The following EIF3B variants were observed in gnomAD, a reference collection of about 807,000 sequenced individuals.
EIF3B encodes eukaryotic translation initiation factor 3 subunit 9.
In EIF3B, 10 loss-of-function variants were observed where a neutral mutation model predicts 104.6. The observed-to-expected ratio is 0.10, with a 90% CI of 0.06 to 0.16. The LOEUF (loss-of-function observed/expected upper bound fraction) is 0.16. EIF3B is among the 10% of genes least tolerant of loss of function. The pLI is 1.00. For missense variants in EIF3B, 1,014 were observed against 1,087.9 expected, an observed-to-expected ratio of 0.93 and a Z score of 0.96; for synonymous variants, 542 against 417.2, an observed-to-expected ratio of 1.30 and a Z score of -3.65.
Position 2,358,602 on chromosome 7 carries a change from C to A in EIF3B, c.500-2108C>A, listed in dbSNP as rs780901884. Among the ~76,000 whole-genome samples the A allele has an allele frequency of 9.9e-5, 15 of 152,182 alleles. No homozygotes were observed. In the South Asian group the frequency reaches 1.0e-3, roughly 11 times the overall value. The stretch of plus-strand genomic sequence containing the variant: ...AGTGCAGTGGCATGATCTTGGCTCA[C>A]TGCAACCTCCATCTCCTGGGTTCAA... On this transcript the variant is annotated intron_variant, in intron 1 of 18. Coordinates refer to ENST00000360876, the MANE Select transcript of EIF3B (RefSeq NM_001037283.2).
chr7:2,373,003 A>G lies in EIF3B; in HGVS notation c.1810+208A>G, dbSNP rs7779134. 309,320 of 411,808 alleles carry G rather than the reference A, an allele frequency of 0.75. 118,354 individuals are homozygous for G. The highest frequency in any genetic ancestry group is 0.92 in the East Asian group (25,062 of 27,260). The allele number at this position is 411,808 out of a possible 1,614,324, so 25.5% of individuals were successfully genotyped here. On this transcript the variant is annotated intron_variant, in intron 12 of 18. Coordinates refer to ENST00000360876, the MANE Select transcript of EIF3B (RefSeq NM_001037283.2). Reference sequence around the variant, plus strand: ...CAGGGTGTCTCTCTGAGCCCCGTTGAGCCCTCACGTTTAAGCGAGTATTTC... The same window carrying G: ...CAGGGTGTCTCTCTGAGCCCCGTTGGGCCCTCACGTTTAAGCGAGTATTTC...
upstream of EIF3B, among the ~76,000 whole-genome samples, chr7:2,354,697 A>T (rs77477547): frequency 0.012 from 1,806 of 152,210 alleles, 21 homozygotes; most frequent in Admixed American, 0.02. Flanking sequence ...CTTGTCACAA[A>T]TATATCAGTT....
rs763301324 is a variant in EIF3B, at chr7:2,379,181, C to T, written c.2280C>T (p.Tyr760=). 2 of 1,613,932 alleles carry T rather than the reference C, an allele frequency of 1.2e-6. No individual in the cohort carries two copies. The highest frequency in any genetic ancestry group is 1.7e-6 in the Non-Finnish European group (2 of 1,179,964). The part of the protein sequence containing the change: ...RRTMMEDFRK[Y]RKMAQELYME... ...CCATGATGGAAGATTTCCGGAAGTA[C>T]CGGAAAATGGCCCAGGAGCTCTATA... Residue 760 remains tyrosine (Y), a synonymous_variant, in exon 17 of 19, where the codon TAC becomes TAT. Transcript: ENST00000360876.
In EIF3B at chr7:2,366,363, C is replaced by A. The variant is rs1162976053; in HGVS notation, c.1204C>A (p.Gln402Lys). 6.2e-7 allele frequency: 1 copy of A among 1,613,704 alleles called. No homozygotes were observed. The highest frequency in any genetic ancestry group is 1.3e-5 in the African/African-American group (1 of 74,884). The change falls in exon 7 of 19, where the codon CAG becomes AAG. Residue 402 changes from glutamine (Q) to lysine (K), a missense_variant. Physicochemically the swap from Gln to Lys is moderately conservative, Grantham distance 53. Transcript: ENST00000360876. ...SPLMDTQDDP[Q>K]AIIIWDILTG... ...CCTGATGGACACGCAGGATGACCCT[C>A]AGGCCATAATCATCTGGGACATCCT...
Position 2,369,654 on chromosome 7 carries a change from A to G in EIF3B, c.1586A>G (p.Lys529Arg). 6.2e-7 allele frequency: 1 copy of G among 1,614,132 alleles called. No homozygotes were observed. Among genetic ancestry groups the G allele is most frequent in the East Asian group, 2.2e-5 (1 of 44,888 alleles). The change falls in exon 10 of 19, where the codon AAA (lysine) becomes AGA (arginine). Residue 529 changes from lysine to arginine, a missense_variant. Physicochemically the swap from Lys to Arg is conservative, Grantham distance 26 (BLOSUM62 2). Transcript: ENST00000360876. The part of the protein sequence containing the change: ...WQKNGDYLCV[K>R]VDRTPKGTQG... The stretch of plus-strand genomic sequence containing the variant: ...AAGAACGGAGACTACTTGTGTGTGA[A>G]AGTAGATAGGACTCCGAAAGGCACC...
chr7:2,358,034 G>T (rs901522081), intron 1 of EIF3B, among the ~76,000 whole-genome samples: 1 of 151,346 alleles, frequency 6.6e-6, no homozygotes, highest in African/African-American at 2.4e-5. Context: ...TCTCTTGTTC[G>T]TCTCAATTTT....
In EIF3B at chr7:2,364,524, T is replaced by G; in HGVS notation, c.1152T>G (p.Cys384Trp). Residue 384 changes from cysteine (C) to tryptophan (W), a missense_variant, in exon 6 of 19, where the codon TGT becomes TGG. This residue lies in a region of EIF3B where 201 missense variants were observed against 240.7 expected (regional missense o/e 0.83). Coordinates refer to ENST00000360876, the MANE Select transcript of EIF3B (RefSeq NM_001037283.2). The stretch of plus-strand genomic sequence containing the variant: ...TTCAGCTTATTGACTTCTCACCTTG[T>G]GAAAGGTAAGCTGCTAGAAAAACAC... ...QGVQLIDFSP[C>W]ERYLVTFSPL... 1 of 1,611,944 alleles carries G rather than the reference T, an allele frequency of 6.2e-7. No homozygotes were observed.
At chr7:2,363,250 C>G (rs1189705596) in intron 4 of EIF3B, 123 bp downstream of exon 4, 1 of 959,380 alleles carries the variant, frequency 1.0e-6, no homozygotes, top group Non-Finnish European at 1.7e-6. Flanking sequence ...CCCAGGAATT[C>G]AAGACCAGCC....
intron 14 of EIF3B, 39 bp from the exon 15 acceptor site, chr7:2,376,911 G>T: frequency 6.3e-7 from 1 of 1,592,124 alleles, no homozygotes; most frequent in Non-Finnish European, 8.6e-7. Flanking sequence ...GTGGCTCTCT[G>T]ACCCCTCTGT....
At chr7:2,361,107 G>T (rs2115287948) in intron 2 of EIF3B, among the ~76,000 whole-genome samples, 1 of 152,270 alleles carries the variant, frequency 6.6e-6, no homozygotes, top group South Asian at 2.1e-4. Context: ...AGGTTTTAAA[G>T]TTTTTAAAAT....
rs913328787 is a variant in EIF3B at position 2,355,543 on chromosome 7, G to A, written c.499+123G>A. The A allele has an allele frequency of 3.0e-6, 4 of 1,318,274 alleles. No homozygotes were observed. In the Admixed American group the frequency reaches 1.3e-4, roughly 44 times the overall value. 81.7% of individuals were successfully genotyped at this position (1,318,274 alleles called of 1,614,324 possible). A position where few individuals can be genotyped will look rare whatever the true frequency, so the allele number is the denominator to read the frequency against. On this transcript the variant is annotated intron_variant, in intron 1 of 18. Transcript: ENST00000360876. ...GAAGTTCCAGCGAGGGTGTCCGTGT[G>A]TTCCTGAGAAGCCACCGAGGGAGGG...
chr7:2,373,177 C>A lies in EIF3B; in HGVS notation c.1810+382C>A, dbSNP rs192656224. On this transcript the variant is annotated intron_variant, in intron 12 of 18. Transcript: ENST00000360876. ...GTGCCTTTGACCAGGGTGCGCAGAG[C>A]TGTTGCACACAGCTGTACTCTGCCC... The A allele has an allele frequency of 9.0e-5, 15 of 166,030 alleles. 1 individual carries two copies. The East Asian group carries it at 2.6e-3, about 29-fold the overall frequency. 10.3% of individuals were successfully genotyped at this position (166,030 alleles called of 1,614,324 possible). A position where few individuals can be genotyped will look rare whatever the true frequency, so the allele number is the denominator to read the frequency against.
At chr7:2,359,173 A>C (rs1264608034) in intron 1 of EIF3B, among the ~76,000 whole-genome samples, 1 of 152,196 alleles carries the variant, frequency 6.6e-6, no homozygotes, top group East Asian at 1.9e-4. Flanking sequence ...TAATTAAGAA[A>C]TGTGTATTTG....
Position 2,376,936 on chromosome 7 carries a change from C to T in EIF3B, c.2029-14C>T. ...GACCCCTCTGTGTCCTGGTGTGTCC[C>T]TGCCCTGGCCTAGGTGGACAACGCG... On this transcript the variant is annotated splice_polypyrimidine_tract_variant and intron_variant, in intron 14 of 18. Transcript: ENST00000360876. The T allele has an allele frequency of 1.2e-6, 2 of 1,612,126 alleles. No individual in the cohort carries two copies. The highest frequency in any genetic ancestry group is 1.7e-6 in the Non-Finnish European group (2 of 1,178,748).
rs765132333 is a variant in EIF3B, at chr7:2,371,836, G to T, written c.1674G>T (p.Val558=). 1.9e-6 allele frequency: 3 copies of T among 1,613,880 alleles called. No homozygotes were observed. Among genetic ancestry groups the T allele is most frequent in the East Asian group, 4.5e-5 (2 of 44,874 alleles). Residue 558 remains valine, a synonymous_variant, in exon 11 of 19, where the codon GTG becomes GTT. Transcript: ENST00000360876. ...RMREKQVPVD[V]VEMKETIIAF... is the part of the protein sequence containing the mutation. ...GGGAGAAACAGGTACCTGTGGATGT[G>T]GTCGAGATGAAAGGCAAGTTGTATT...
In EIF3B at chr7:2,363,759, C is replaced by G; in HGVS notation, c.998C>G (p.Ala333Gly). 1 of 1,612,646 alleles carries G rather than the reference C, an allele frequency of 6.2e-7. No individual in the cohort carries two copies. The highest frequency in any genetic ancestry group is 8.5e-7 in the Non-Finnish European group (1 of 1,179,638). ...GACCCTGTCTCAATTGAAGAAAGAG[C>G]GGTGTGTATTTGCTGCTGCTGGGGG... The part of the protein sequence containing the change: ...VKDPVSIEER[A>G]RWTETYVRWS... The change falls in exon 5 of 19, where the codon GCG becomes GGG. Residue 333 changes from alanine (A) to glycine (G), a missense_variant and splice_region_variant. Ala to Gly is a moderately conservative substitution (Grantham distance 60). This residue lies in a region of EIF3B where 201 missense variants were observed against 240.7 expected (regional missense o/e 0.83). Transcript: ENST00000360876.
intron 13 of EIF3B, chr7:2,374,979 A>T (rs1405277973): frequency 6.7e-6 from 2 of 300,384 alleles, no homozygotes; most frequent in Non-Finnish European, 6.2e-6. Context: ...AGGCTGCCTT[A>T]CCTTTGTGGT....
At chr7:2,368,978 GAGCCGTTCGTTAC>G (rs1780176694) in intron 9 of EIF3B, among the ~76,000 whole-genome samples, 1 of 152,226 alleles carries the variant, frequency 6.6e-6, no homozygotes, top group Admixed American at 6.5e-5. Context: ...GTGAGCTCAG[GAGCCGTTCGTTAC>G]AGCAGCTCTT....
chr7:2,360,478 T>C (rs991971263), intron 1 of EIF3B, among the ~76,000 whole-genome samples: 1 of 152,224 alleles, frequency 6.6e-6, no homozygotes, highest in Non-Finnish European at 1.5e-5. Flanking sequence ...CAGAACTTAA[T>C]TGACCTGTCT....
Sources: gnomAD v4.1 joint callset for allele counts (sites outside exome capture counted in the v4.1 genomes callset) on GRCh38, gnomAD v4.1.1 for gene constraint, gnomAD v4.1.1 regional missense constraint, MANE v1.5 for transcripts, NCBI Gene and HGNC (gene_info 2026-07-23, HGNC 2026-07-21) for gene names.